The following BMP5 variants were observed in gnomAD, a reference collection of about 807,000 sequenced individuals.
BMP5 encodes the protein bone morphogenetic protein 5.
BMP5 carries 23 observed loss-of-function variants against 46.6 expected under a neutral mutation model. The ratio of observed to expected loss-of-function variants is 0.49; its 90% CI spans 0.35 to 0.70. BMP5 has a LOEUF of 0.70. BMP5 is among the 30% of genes least tolerant of loss of function. The pLI, the probability that BMP5 is intolerant of heterozygous loss-of-function variation, is 0.00. For synonymous variants in BMP5, 204 were observed against 191.9 expected (o/e 1.06, Z -0.52); for missense variants, 545 against 565.6 (o/e 0.96, Z 0.37).
chr6:55,867,340 G>GT (rs1777670690), intron 1 of BMP5, among the ~76,000 whole-genome samples: 2 of 152,240 alleles, frequency 1.3e-5, no homozygotes, highest in South Asian at 4.1e-4. Flanking sequence ...CCCAGGAGTA[G>GT]TGAAGGCTAC....
chr6:55,757,370 T>C (rs1489430002), intron 6 of BMP5, among the ~76,000 whole-genome samples: 1 of 151,966 alleles, frequency 6.6e-6, no homozygotes, highest in Non-Finnish European at 1.5e-5. Context: ...TGATAGGAGT[T>C]ATTCTATGAC....
rs115328631 is a variant in BMP5, at chr6:55,823,061, T to C, written c.491-3214A>G. ...TCTCAGTTACCTCAAACAGTAACAC[T>C]AGGGAGGTGGCAAATATTAATATCC... is the stretch of plus-strand genomic sequence containing the variant. On this transcript the variant is annotated intron_variant, in intron 1 of 6. Transcript: ENST00000370830. 5.4e-3 allele frequency among the ~76,000 whole-genome samples: 818 copies of C among 152,172 alleles called. 10 individuals are homozygous for C. Among genetic ancestry groups the C allele is most frequent in the African/African-American group, 0.019 (784 of 41,558 alleles).
intron 2 of BMP5, among the ~76,000 whole-genome samples, chr6:55,810,722 A>G (rs1045556177): frequency 6.6e-6 from 1 of 152,192 alleles, no homozygotes; most frequent in African/African-American, 2.4e-5. Flanking sequence ...TTAGGTTTAT[A>G]TCTTAAATCT....
chr6:55,777,659 T>C (rs187507715), intron 3 of BMP5, among the ~76,000 whole-genome samples: 1 of 151,986 alleles, frequency 6.6e-6, no homozygotes. Flanking sequence ...TCGCCAGGCA[T>C]ATATTTAAAG....
In BMP5 at chr6:55,755,500, A is replaced by G. The variant is rs1289337273; in HGVS notation, c.*33T>C. 2.5e-6 allele frequency: 4 copies of G among 1,582,138 alleles called. No individual in the cohort carries two copies. The East Asian group carries it at 9.0e-5, about 36-fold the overall frequency. ...TTATTGCAGCCATAAACCTTAATAC[A>G]GATCTTTTTGTTATTATCAATATTA... On this transcript the variant is annotated 3_prime_UTR_variant, in exon 7 of 7. Coordinates refer to ENST00000370830, the MANE Select transcript of BMP5 (RefSeq NM_021073.4).
At chr6:55,793,304 C>T (rs1044833434) in intron 3 of BMP5, among the ~76,000 whole-genome samples, 3 of 152,174 alleles carry the variant, frequency 2.0e-5, no homozygotes, top group Admixed American at 2.0e-4. Context: ...ATCACATCTT[C>T]GTGTTTCAGA....
chr6:55,859,860 T>C (rs577434923), intron 1 of BMP5, among the ~76,000 whole-genome samples: 68 of 152,350 alleles, frequency 4.5e-4, no homozygotes, highest in Admixed American at 1.5e-3. Flanking sequence ...CAGAGATTCA[T>C]AATGCTCATT....
chr6:55,777,709 A>G (rs1439811322), intron 3 of BMP5, among the ~76,000 whole-genome samples: 1 of 152,036 alleles, frequency 6.6e-6, no homozygotes, highest in Non-Finnish European at 1.5e-5. Context: ...CATCTTAAGA[A>G]AAAGATGAGC....
intron 3 of BMP5, among the ~76,000 whole-genome samples, chr6:55,778,337 G>A (rs906163830): frequency 1.3e-5 from 2 of 151,962 alleles, no homozygotes; most frequent in African/African-American, 4.8e-5. Flanking sequence ...GCAGAGAGGA[G>A]ATTGAAAGGG....
At chr6:55,775,712 A>C (rs550816572) in intron 3 of BMP5, among the ~76,000 whole-genome samples, 2 of 152,058 alleles carry the variant, frequency 1.3e-5, no homozygotes, top group South Asian at 4.1e-4. Context: ...AAGGAAAGGA[A>C]AGCAAGTCCC....
chr6:55,806,336 C>G (rs1775987447), intron 2 of BMP5, among the ~76,000 whole-genome samples: 2 of 152,158 alleles, frequency 1.3e-5, no homozygotes, highest in East Asian at 3.9e-4. Context: ...ATCCTTTCCC[C>G]ATTGCTTGTT....
intron 5 of BMP5, among the ~76,000 whole-genome samples, chr6:55,759,956 T>C (rs1774724805): frequency 6.6e-6 from 1 of 151,910 alleles, no homozygotes; most frequent in African/African-American, 2.4e-5. Context: ...TGTCACCACA[T>C]AGAGCCATTA....
intron 2 of BMP5, among the ~76,000 whole-genome samples, chr6:55,812,363 T>C (rs965179212): frequency 2.0e-5 from 3 of 152,086 alleles, no homozygotes; most frequent in Admixed American, 6.5e-5. Flanking sequence ...CTCACTAAGA[T>C]AAATAAATAA....
At chr6:55,855,806 G>A (rs1027795196) in intron 1 of BMP5, among the ~76,000 whole-genome samples, 1 of 152,056 alleles carries the variant, frequency 6.6e-6, no homozygotes, top group Non-Finnish European at 1.5e-5. Context: ...TTTTTTAAAT[G>A]TTATTCCTTA....
chr6:55,866,123 G>A (rs552232069), intron 1 of BMP5, among the ~76,000 whole-genome samples: 4 of 152,222 alleles, frequency 2.6e-5, no homozygotes, highest in African/African-American at 9.6e-5. Flanking sequence ...CAGTTTCTGA[G>A]TTGCACCCTC....
intron 1 of BMP5, among the ~76,000 whole-genome samples, chr6:55,835,396 A>C (rs1776768876): frequency 6.6e-6 from 1 of 152,184 alleles, no homozygotes; most frequent in Admixed American, 6.6e-5. Context: ...TTTCAAATGC[A>C]CATGTACAGG....
At chr6:55,789,496 A>C (rs1775525356) in intron 3 of BMP5, among the ~76,000 whole-genome samples, 1 of 152,050 alleles carries the variant, frequency 6.6e-6, no homozygotes, top group African/African-American at 2.4e-5. Flanking sequence ...GTAATAAACT[A>C]TGTGCATATG....
chr6:55,839,810 C>CT (rs369962326), intron 1 of BMP5, among the ~76,000 whole-genome samples: 5 of 151,924 alleles, frequency 3.3e-5, no homozygotes, highest in East Asian at 1.9e-4. Context: ...CCTTTTCAGA[C>CT]TTTTTTTTGC....
At chr6:55,814,210 G>T (rs1450375982) in intron 2 of BMP5, among the ~76,000 whole-genome samples, 2 of 151,908 alleles carry the variant, frequency 1.3e-5, no homozygotes, top group African/African-American at 4.8e-5. Flanking sequence ...AAGACACCTA[G>T]AACATTTTAC....
Sources: allele counts gnomAD v4.1 joint callset (sites outside exome capture counted in the v4.1 genomes callset), GRCh38; gene constraint gnomAD v4.1.1; transcripts MANE v1.5; gene names NCBI Gene and HGNC (gene_info 2026-07-23, HGNC 2026-07-21).